The following ERC2 variants were observed in gnomAD, a reference collection of about 807,000 sequenced individuals.
ERC2 encodes ELKS/RAB6-interacting/CAST family member 2, also known as ERC protein 2.
ERC2 carries 42 observed loss-of-function variants against 114.8 expected under a neutral mutation model. That is an observed-to-expected ratio of 0.37 (90% CI 0.29 to 0.47). The LOEUF is 0.47. ERC2 is among the 20% of genes least tolerant of loss of function. ERC2 has a pLI of 0.99. For synonymous variants in ERC2, 454 were observed against 425.5 expected (o/e 1.07, Z -0.82); for missense variants, 939 against 1,150.7 (o/e 0.82, Z 2.66).
intron 2 of ERC2, among the ~76,000 whole-genome samples, chr3:56,360,150 C>T (rs1560667606): frequency 6.7e-6 from 1 of 149,686 alleles, no homozygotes; most frequent in Non-Finnish European, 1.5e-5. Context: ...CTGCAAGCTC[C>T]GCCTCCTGGG....
In ERC2 at chr3:56,263,360, T is replaced by TA. The variant is rs200286564; in HGVS notation, c.1074+32658dup. ...AGTAGCCTCAACAATACAGTGAAAT[T>TA]AAAAAAAAAAAAAAGCCATGAGAAT... On this transcript the variant is annotated intron_variant, in intron 3 of 17. Coordinates refer to ENST00000288221, the MANE Select transcript of ERC2 (RefSeq NM_015576.3). Among the ~76,000 whole-genome samples the TA allele has an allele frequency of 4.0e-3, 537 of 135,070 alleles. 3 individuals are homozygous for TA. Among genetic ancestry groups the TA allele is most frequent in the Middle Eastern group, 0.011 (3 of 274 alleles). The allele number at this position is 135,070 out of a possible 152,430, so 88.6% of individuals were successfully genotyped here.
chr3:55,653,807 TTGGTGCGCTCTC>T (rs2060745320), intron 17 of ERC2, among the ~76,000 whole-genome samples: 1 of 152,232 alleles, frequency 6.6e-6, no homozygotes, highest in Admixed American at 6.5e-5. Context: ...CAAGTCACTA[TTGGTGCGCTCTC>T]TATGGTGATT....
intron 12 of ERC2, among the ~76,000 whole-genome samples, chr3:55,979,125 C>G (rs770873906): frequency 2.6e-5 from 4 of 152,210 alleles, no homozygotes; most frequent in Non-Finnish European, 4.4e-5. Flanking sequence ...CTGTGAGCAA[C>G]ATATCATGCT....
chr3:56,087,747 G>A (rs983611420), intron 6 of ERC2, among the ~76,000 whole-genome samples: 1 of 152,054 alleles, frequency 6.6e-6, no homozygotes, highest in African/African-American at 2.4e-5. Flanking sequence ...ACTCACAAAA[G>A]CTCCCAATAT....
intron 2 of ERC2, among the ~76,000 whole-genome samples, chr3:56,391,384 C>T (rs896447288): frequency 6.6e-6 from 1 of 152,140 alleles, no homozygotes; most frequent in Non-Finnish European, 1.5e-5. Flanking sequence ...TAACTTCTGC[C>T]TAGAACTTTA....
chr3:55,759,055 T>G (rs971204917), intron 14 of ERC2, among the ~76,000 whole-genome samples: 11 of 152,182 alleles, frequency 7.2e-5, no homozygotes, highest in African/African-American at 2.2e-4. Context: ...TTGGAATAAA[T>G]TTTTACTCCT....
intron 3 of ERC2, among the ~76,000 whole-genome samples, chr3:56,183,647 T>G (rs990549394): frequency 3.3e-5 from 5 of 152,206 alleles, no homozygotes; most frequent in African/African-American, 1.2e-4. Flanking sequence ...AATTTTCATT[T>G]AGCAAAAATC....
rs80135962 is a variant in ERC2 at position 55,564,470 on chromosome 3, G to A, written c.*40-53194C>T. Among the ~76,000 whole-genome samples the A allele has an allele frequency of 3.4e-3, 525 of 152,262 alleles. 2 individuals carry two copies. The highest frequency in any genetic ancestry group is 0.012 in the African/African-American group (504 of 41,548). ...TATCATAAGTTGTTTAAATGCTTGAGATTGAGCTTCCCTGACTGTAATATG... is the reference window on the plus strand; with the variant it reads ...TATCATAAGTTGTTTAAATGCTTGAAATTGAGCTTCCCTGACTGTAATATG... On this transcript the variant is annotated intron_variant, in intron 17 of 17. Coordinates refer to ENST00000288221, the MANE Select transcript of ERC2 (RefSeq NM_015576.3).
intron 7 of ERC2, among the ~76,000 whole-genome samples, chr3:56,030,935 C>G (rs138387005): frequency 6.6e-6 from 1 of 152,168 alleles, no homozygotes. Context: ...GTGAAATGAG[C>G]ACCTGACTTT....
intron 3 of ERC2, among the ~76,000 whole-genome samples, chr3:56,253,506 G>T (rs2052319610): frequency 6.6e-6 from 1 of 152,172 alleles, no homozygotes; most frequent in South Asian, 2.1e-4. Flanking sequence ...GGAATCAAAA[G>T]GTTAGACTCA....
chr3:56,022,823 G>A (rs2149599244), intron 7 of ERC2, among the ~76,000 whole-genome samples: 1 of 152,302 alleles, frequency 6.6e-6, no homozygotes, highest in South Asian at 2.1e-4. Flanking sequence ...GAGTACAAGG[G>A]AGCTAGAGAG....
intron 17 of ERC2, among the ~76,000 whole-genome samples, chr3:55,557,735 T>A (rs900534025): frequency 1.3e-5 from 2 of 152,240 alleles, no homozygotes; most frequent in Non-Finnish European, 2.9e-5. Flanking sequence ...TCTCACTCCA[T>A]GGCCCCCTCT....
chr3:55,515,375 T>G (rs2052418128), intron 17 of ERC2, among the ~76,000 whole-genome samples: 1 of 152,092 alleles, frequency 6.6e-6, no homozygotes. Flanking sequence ...TTTTATTTAT[T>G]TATTTATTTT....
At chr3:55,549,930 AAGAGAGAG>A (rs372694701) in intron 17 of ERC2, among the ~76,000 whole-genome samples, 9 of 94,134 alleles carry the variant, frequency 9.6e-5, no homozygotes, top group African/African-American at 3.0e-4. Context: ...CGACACACAC[AAGAGAGAG>A]AGAGAGAGAG....
At chr3:56,096,794 G>A (rs1306326925) in intron 6 of ERC2, among the ~76,000 whole-genome samples, 2 of 152,120 alleles carry the variant, frequency 1.3e-5, no homozygotes, top group African/African-American at 4.8e-5. Flanking sequence ...CCTTCAAAAT[G>A]CCAAGTGTAA....
chr3:55,929,046 TC>T (rs968826939), intron 13 of ERC2, among the ~76,000 whole-genome samples: 2 of 152,100 alleles, frequency 1.3e-5, no homozygotes, highest in Admixed American at 6.5e-5. Context: ...GGAGTTAACC[TC>T]TTTGGTGGGG....
In ERC2 at chr3:55,826,210, T is replaced by C. The variant is rs548841497; in HGVS notation, c.2564+62179A>G. On this transcript the variant is annotated intron_variant, in intron 14 of 17. Transcript: ENST00000288221. Reference sequence around the variant, plus strand: ...GGTGGATGGCAAACACCAGCACACTTGTCTTCATTCTGTCCTCTTGTGCCA... The same window carrying C: ...GGTGGATGGCAAACACCAGCACACTCGTCTTCATTCTGTCCTCTTGTGCCA... 2.0e-4 allele frequency among the ~76,000 whole-genome samples: 31 copies of C among 152,356 alleles called. No individual in the cohort carries two copies. The South Asian group carries it at 6.4e-3, about 32-fold the overall frequency.
At chr3:55,637,468 A>G (rs1001934646) in intron 17 of ERC2, among the ~76,000 whole-genome samples, 8 of 152,156 alleles carry the variant, frequency 5.3e-5, no homozygotes, top group Non-Finnish European at 1.2e-4. Context: ...TTCAGAAGGC[A>G]TGAGGGGCTT....
chr3:55,902,682 C>G (rs971212608), intron 13 of ERC2, among the ~76,000 whole-genome samples: 1 of 152,192 alleles, frequency 6.6e-6, no homozygotes, highest in African/African-American at 2.4e-5. Flanking sequence ...CATCAGCGTG[C>G]TGCTCAGCAT....
Sources: gnomAD v4.1 joint callset for allele counts (sites outside exome capture counted in the v4.1 genomes callset) on GRCh38, gnomAD v4.1.1 for gene constraint, MANE v1.5 for transcripts, NCBI Gene and HGNC (gene_info 2026-07-23, HGNC 2026-07-21) for gene names.